The following PCDHA1 variants were observed in gnomAD, a reference collection of about 807,000 sequenced individuals.
PCDHA1 encodes protocadherin alpha-1.
A neutral mutation model predicts 61.3 loss-of-function variants in PCDHA1; 42 were observed. The observed-to-expected ratio is 0.69, with a 90% CI of 0.54 to 0.89. The LOEUF is 0.89. Ranked by LOEUF, PCDHA1 falls within the 40% of genes least tolerant of loss-of-function variation. The pLI is 0.00. For missense variants in PCDHA1, 1,256 were observed against 1,235.3 expected (o/e 1.02, Z -0.25); for synonymous variants, 610 against 553.8 (o/e 1.10, Z -1.43).
chr5:140,919,207 T>C (rs1554198972), intron 1 of PCDHA1, among the ~76,000 whole-genome samples: 1 of 152,222 alleles, frequency 6.6e-6, no homozygotes, highest in Non-Finnish European at 1.5e-5. Context: ...CATTATAAAA[T>C]GTCCTTCTTG....
Position 140,856,266 on chromosome 5 carries a change from T to C in PCDHA1, c.2394+67582T>C, listed in dbSNP as rs1581394564. On this transcript the variant is annotated intron_variant, in intron 1 of 3. Coordinates refer to ENST00000504120, the MANE Select transcript of PCDHA1 (RefSeq NM_018900.4). ...GTGGCGTCCAAAAGACACGGGGACC[T>C]TCTGGAGGTAAATCTGCAGAATGGC... 7 of 1,598,200 alleles carry C rather than the reference T, an allele frequency of 4.4e-6. No homozygotes were observed. The East Asian group carries it at 1.6e-4, about 36-fold the overall frequency.
intron 1 of PCDHA1, chr5:140,824,528 C>T (rs2150134685): frequency 9.5e-5 from 19 of 200,362 alleles, no homozygotes; most frequent in Middle Eastern, 2.0e-3. Context: ...CATAGCTCAC[C>T]GAAGCCTGAA....
intron 1 of PCDHA1, chr5:140,795,253 G>T (rs139811211): frequency 3.1e-6 from 5 of 1,614,142 alleles, no homozygotes; most frequent in Non-Finnish European, 4.2e-6. Context: ...GGAGCTGTGC[G>T]GGCGGAGCGC....
At chr5:140,802,598 C>G (rs922814873) in intron 1 of PCDHA1, 1 of 1,613,984 alleles carries the variant, frequency 6.2e-7, no homozygotes, top group East Asian at 2.2e-5. Flanking sequence ...TGAAGGAGAA[C>G]AACCCGCCGG....
At chr5:141,005,220 C>T (rs2098201724) in intron 3 of PCDHA1, among the ~76,000 whole-genome samples, 1 of 152,192 alleles carries the variant, frequency 6.6e-6, no homozygotes, top group Admixed American at 6.5e-5. Flanking sequence ...CAAGTATTTA[C>T]TAAACACCTG....
intron 1 of PCDHA1, chr5:140,875,787 C>A (rs2055811364): frequency 6.2e-7 from 1 of 1,614,082 alleles, no homozygotes; most frequent in Non-Finnish European, 8.5e-7. Context: ...GCAGTATCCA[C>A]CTGGAGGTGA....
At chr5:140,950,791 A>T (rs2153690738) in intron 1 of PCDHA1, among the ~76,000 whole-genome samples, 1 of 152,142 alleles carries the variant, frequency 6.6e-6, no homozygotes, top group East Asian at 1.9e-4. Flanking sequence ...CTTTTTAAAT[A>T]TTGTCTGGTT....
chr5:140,883,000 ATCCGT>A (rs1554176436), intron 1 of PCDHA1: 1 of 1,614,138 alleles, frequency 6.2e-7, no homozygotes, highest in Non-Finnish European at 8.5e-7. Flanking sequence ...AATTTTACCA[ATCCGT>A]TTATAAAGTG....
intron 1 of PCDHA1, chr5:140,823,118 A>C (rs2150122501): frequency 6.2e-7 from 1 of 1,614,030 alleles, no homozygotes. Context: ...GCCGACGTGA[A>C]CGACAACGCT....
intron 1 of PCDHA1, chr5:140,808,928 G>T: frequency 6.2e-7 from 1 of 1,613,746 alleles, no homozygotes; most frequent in Non-Finnish European, 8.5e-7. Flanking sequence ...GAGCGAGCTG[G>T]TGCCATGGTC....
chr5:140,936,941 T>C (rs547536853), intron 1 of PCDHA1, among the ~76,000 whole-genome samples: 14 of 152,342 alleles, frequency 9.2e-5, no homozygotes, highest in Non-Finnish European at 1.3e-4. Flanking sequence ...GAAAATATCT[T>C]ATTTTGATCT....
At chr5:140,818,050 G>A (rs1554127374) in intron 1 of PCDHA1, among the ~76,000 whole-genome samples, 1 of 152,018 alleles carries the variant, frequency 6.6e-6, no homozygotes, top group African/African-American at 2.4e-5. Flanking sequence ...AATTTGCTTT[G>A]TTTTTAATCT....
chr5:140,824,289 CT>C, intron 1 of PCDHA1: 1 of 983,136 alleles, frequency 1.0e-6, no homozygotes, highest in Non-Finnish European at 1.5e-6. Flanking sequence ...TTTTATGAGG[CT>C]TTTCTGCTGG....
At chr5:140,848,343 C>G (rs1581147757) in intron 1 of PCDHA1, 14 of 898,934 alleles carry the variant, frequency 1.6e-5, no homozygotes, top group Non-Finnish European at 2.1e-5. Context: ...CAGACAAATA[C>G]AGCCCTTTTC....
intron 1 of PCDHA1, chr5:140,863,244 G>A (rs1292060203): frequency 7.3e-7 from 1 of 1,361,116 alleles, no homozygotes; most frequent in Non-Finnish European, 1.0e-6. Context: ...GGGCTTTGGC[G>A]GGCGTCGAGG....
At chr5:140,892,980 G>T (rs568292110) in intron 1 of PCDHA1, among the ~76,000 whole-genome samples, 192 of 152,148 alleles carry the variant, frequency 1.3e-3, no homozygotes, top group African/African-American at 4.5e-3. Flanking sequence ...TGTAGCTGCC[G>T]TATAAGTGAG....
At chr5:140,863,259 G>T in intron 1 of PCDHA1, 1 of 1,448,654 alleles carries the variant, frequency 6.9e-7, no homozygotes. Context: ...TCGAGGTCCG[G>T]GAGGCAGCGC....
At chr5:140,934,547 C>A (rs2089905916) in intron 1 of PCDHA1, among the ~76,000 whole-genome samples, 1 of 152,124 alleles carries the variant, frequency 6.6e-6, no homozygotes, top group African/African-American at 2.4e-5. Flanking sequence ...CTAATTCTAT[C>A]ATTTCTTCTT....
At chr5:140,815,431 C>T (rs1765724623) in intron 1 of PCDHA1, 1 of 152,032 alleles carries the variant, frequency 6.6e-6, no homozygotes, top group African/African-American at 2.4e-5. Context: ...AAACTGATAG[C>T]ATCTTTACTA....
Sources: allele counts gnomAD v4.1 joint callset (sites outside exome capture counted in the v4.1 genomes callset), GRCh38; gene constraint gnomAD v4.1.1; transcripts MANE v1.5; gene names NCBI Gene and HGNC (gene_info 2026-07-23, HGNC 2026-07-21).